Variants in ATP2C1 observed in about 807,000 individuals in gnomAD.
The protein encoded by ATP2C1 is ATPase secretory pathway Ca2+ transporting 1, also known as calcium-transporting ATPase type 2C member 1.
In ATP2C1, 31 loss-of-function variants were observed where a neutral mutation model predicts 120.5. That is an observed-to-expected ratio of 0.26 (90% CI 0.19 to 0.35). The LOEUF is 0.35. ATP2C1 is among the 10% of genes least tolerant of loss of function. ATP2C1 has a pLI of 1.00. For missense variants in ATP2C1, 731 were observed against 1,107.5 expected (o/e 0.66, Z 4.83); for synonymous variants, 351 against 358.7 (o/e 0.98, Z 0.24).
downstream of ATP2C1, among the ~76,000 whole-genome samples, chr3:131,007,655 C>T (rs932351837): frequency 2.0e-5 from 3 of 152,278 alleles, no homozygotes; most frequent in South Asian, 6.2e-4. Flanking sequence ...CTAATCTTCT[C>T]AACTACATTA....
At chr3:130,998,431 C>A in intron 26 of ATP2C1, 42 bp downstream of exon 26, 1 of 1,412,672 alleles carries the variant, frequency 7.1e-7, no homozygotes, top group Non-Finnish European at 1.0e-6. Context: ...GATTGACTCA[C>A]TTGAGTAGAG....
intron 4 of ATP2C1, among the ~76,000 whole-genome samples, chr3:130,934,127 G>C (rs769707209): frequency 2.0e-5 from 3 of 152,156 alleles, no homozygotes; most frequent in Admixed American, 6.5e-5. Context: ...AGCTAGCCTT[G>C]AGGAAAATCT....
chr3:130,937,413 GT>G lies in ATP2C1; in HGVS notation c.325-12del, dbSNP rs1474864740. ...AAGTTAATGTCTGATTTAAAAGCCTGTTTCTTTTGTTTAGGCAATACTTATC... is the reference window on the plus strand; with the variant it reads ...AAGTTAATGTCTGATTTAAAAGCCTGTTCTTTTGTTTAGGCAATACTTATC... On this transcript the variant is annotated splice_polypyrimidine_tract_variant and intron_variant, in intron 5 of 27. Transcript: ENST00000510168. 2.5e-6 allele frequency: 4 copies of G among 1,611,426 alleles called. No individual in the cohort carries two copies. Among genetic ancestry groups the G allele is most frequent in the Non-Finnish European group, 3.4e-6 (4 of 1,177,768 alleles).
intron 26 of ATP2C1, among the ~76,000 whole-genome samples, chr3:130,998,954 A>G (rs958394825): frequency 2.0e-5 from 3 of 152,212 alleles, no homozygotes; most frequent in African/African-American, 7.2e-5. Flanking sequence ...CTTAAAAACT[A>G]GTTTCATTTG....
At position 130,997,809 on chromosome 3, in the gene ATP2C1, T is replaced by C; in HGVS notation, c.2391+56T>C. ...CATGAATTCTGTATATCTGATAGGA[T>C]TCTTAGTTATTTTGATGGGTTACCC... On this transcript the variant is annotated intron_variant, in intron 25 of 27. Coordinates refer to ENST00000510168, the MANE Select transcript of ATP2C1 (RefSeq NM_001378687.1). The C allele has an allele frequency of 1.9e-6, 3 of 1,590,434 alleles. No homozygotes were observed. The African/African-American group carries it at 4.1e-5, about 21-fold the overall frequency.
chr3:130,930,368 C>A, intron 2 of ATP2C1, 48 bp from the exon 3 acceptor site: 1 of 1,187,848 alleles, frequency 8.4e-7, no homozygotes, highest in Non-Finnish European at 1.3e-6. Context: ...GACTGCATTA[C>A]ACTTGTTTGC....
intron 8 of ATP2C1, among the ~76,000 whole-genome samples, chr3:130,945,937 C>T (rs2060135137): frequency 6.9e-6 from 1 of 145,920 alleles, no homozygotes; most frequent in South Asian, 2.2e-4. Flanking sequence ...AAATATTTTA[C>T]TTCTCTCAGC....
Position 130,894,409 on chromosome 3 carries a change from T to A in ATP2C1, c.-181+72T>A. 8.3e-7 allele frequency: 1 copy of A among 1,203,980 alleles called. No homozygotes were observed. Among genetic ancestry groups the A allele is most frequent in the Non-Finnish European group, 1.0e-6 (1 of 959,864 alleles). The allele number at this position is 1,203,980 out of a possible 1,614,324, so 74.6% of individuals were successfully genotyped here. On this transcript the variant is annotated intron_variant, in intron 1 of 27. Transcript: ENST00000510168. This position sits in a 1 kb window ranked among gnomAD's most constrained non-coding sequence, Gnocchi z 4.5. The stretch of plus-strand genomic sequence containing the variant: ...GTTCTGAAGGAAGGGGAGGTTCGGG[T>A]ATCCCCTGGATGGGGGGGCATCTCT...
intron 26 of ATP2C1, among the ~76,000 whole-genome samples, chr3:131,012,255 T>C (rs1297163425): frequency 1.0e-5 from 1 of 97,678 alleles, no homozygotes; most frequent in Non-Finnish European, 2.3e-5. Flanking sequence ...TGGTTTTTCT[T>C]TTTTCTTTTT....
chr3:130,975,189 C>A, intron 17 of ATP2C1, 143 bp from the exon 18 acceptor site: 1 of 757,432 alleles, frequency 1.3e-6, no homozygotes, highest in Non-Finnish European at 2.3e-6. Flanking sequence ...ATTTAATCTT[C>A]AGAGTTCAGG....
Position 130,948,621 on chromosome 3 carries a change from ATTC to A in ATP2C1, c.532-5197_532-5195del, listed in dbSNP as rs2060246088. On this transcript the variant is annotated intron_variant, in intron 8 of 27. Transcript: ENST00000510168. ...GTTTTCAGCCATTTTATCTTCAGCT[ATTC>A]TTTCTGTCGCCTTCTCTTTTTTCCT... is the stretch of plus-strand genomic sequence containing the variant. 1.3e-5 allele frequency among the ~76,000 whole-genome samples: 2 copies of A among 152,068 alleles called. 1 individual carries two copies. Among genetic ancestry groups the A allele is most frequent in the South Asian group, 4.1e-4 (2 of 4,822 alleles).
At chr3:130,962,289 T>C (rs1175130447) in intron 12 of ATP2C1, among the ~76,000 whole-genome samples, 1 of 152,034 alleles carries the variant, frequency 6.6e-6, no homozygotes, top group Non-Finnish European at 1.5e-5. Flanking sequence ...TTTGCAGTCA[T>C]GGACCAAAGA....
At position 131,002,445 on chromosome 3, in the gene ATP2C1, T is replaced by C. The variant is rs2062935131; in HGVS notation, c.*1095T>C. Reference sequence around the variant, plus strand: ...TCTGAAGCTTCTTTGGCCTAGATTTTAGCACAAACCTGAGTATATCTCTTC... The same window carrying C: ...TCTGAAGCTTCTTTGGCCTAGATTTCAGCACAAACCTGAGTATATCTCTTC... On this transcript the variant is annotated 3_prime_UTR_variant, in exon 28 of 28. Coordinates refer to ENST00000510168, the MANE Select transcript of ATP2C1 (RefSeq NM_001378687.1). The C allele has an allele frequency of 2.0e-6, 2 of 985,396 alleles. No individual in the cohort carries two copies. Among genetic ancestry groups the C allele is most frequent in the Non-Finnish European group, 2.4e-6 (2 of 829,914 alleles). 61.0% of individuals were successfully genotyped at this position (985,396 alleles called of 1,614,324 possible). A position where few individuals can be genotyped will look rare whatever the true frequency, so the allele number is the denominator to read the frequency against.
In ATP2C1 at chr3:131,001,104, G is replaced by GAA. The variant is rs11403338; in HGVS notation, c.2630-94_2630-93dup. The GAA allele has an allele frequency of 0.17, 56,129 of 331,370 alleles. 1,030 individuals carry two copies. The highest frequency in any genetic ancestry group is 0.23 in the African/African-American group (6,060 of 26,282). 20.5% of individuals were successfully genotyped at this position (331,370 alleles called of 1,614,324 possible). A position where few individuals can be genotyped will look rare whatever the true frequency, so the allele number is the denominator to read the frequency against. On this transcript the variant is annotated intron_variant, in intron 27 of 27. Transcript: ENST00000510168. ...GGTGACAGAGCAAGACTTCATCTCA[G>GAA]AAAAAAAAAAAAAAAAAAAAAAAGT...
At chr3:130,996,292 T>C in intron 23 of ATP2C1, 181 bp downstream of exon 23, 1 of 622,536 alleles carries the variant, frequency 1.6e-6, no homozygotes, top group Non-Finnish European at 2.8e-6. Flanking sequence ...AAATAGGTTG[T>C]AAATGTAACA....
At chr3:130,900,053 CTTAT>C (rs964759857) in intron 2 of ATP2C1, among the ~76,000 whole-genome samples, 8 of 151,514 alleles carry the variant, frequency 5.3e-5, no homozygotes, top group Middle Eastern at 6.8e-3. Flanking sequence ...TCCCTTTGTG[CTTAT>C]TTATTTATTT....
chr3:130,959,497 T>C, intron 12 of ATP2C1, 156 bp downstream of exon 12: 1 of 515,256 alleles, frequency 1.9e-6, no homozygotes, highest in Middle Eastern at 5.2e-4. Context: ...ATTAAAATTA[T>C]CCTTAGAAAA....
At chr3:130,897,818 C>T (rs923340968) in intron 2 of ATP2C1, among the ~76,000 whole-genome samples, 1 of 152,102 alleles carries the variant, frequency 6.6e-6, no homozygotes, top group Non-Finnish European at 1.5e-5. Context: ...TCACTAGGAA[C>T]GTTTAAAATG....
At chr3:130,994,259 T>A (rs2062494231) in intron 22 of ATP2C1, among the ~76,000 whole-genome samples, 161 bp downstream of exon 22, 1 of 152,198 alleles carries the variant, frequency 6.6e-6, no homozygotes, top group South Asian at 2.1e-4. Context: ...ATGAAGAAGA[T>A]GATTTGTGTG....
Sources: allele counts gnomAD v4.1 joint callset (sites outside exome capture counted in the v4.1 genomes callset), GRCh38; gene constraint gnomAD v4.1.1; non-coding constraint Gnocchi (gnomAD v3.1); transcripts MANE v1.5; gene names NCBI Gene and HGNC (gene_info 2026-07-23, HGNC 2026-07-21).